The following CCDC149 variants were observed in gnomAD, a reference collection of about 807,000 sequenced individuals.
CCDC149 encodes coiled-coil domain-containing protein 149.
Under a neutral mutation model 59.9 loss-of-function variants are expected in CCDC149, and 45 were observed. The observed-to-expected ratio is 0.75, with a 90% CI of 0.59 to 0.96. The LOEUF (loss-of-function observed/expected upper bound fraction) is 0.96, where lower values mean the gene tolerates loss of function less well. CCDC149 is among the 40% of genes least tolerant of loss of function. The pLI is 0.00. For missense variants in CCDC149, 584 were observed against 664.7 expected, an observed-to-expected ratio of 0.88 and a Z score of 1.33; for synonymous variants, 245 against 260.6, an observed-to-expected ratio of 0.94 and a Z score of 0.58.
rs1334183629 is a variant in CCDC149, at chr4:24,925,509, T to C, written c.-64-30391A>G. On this transcript the variant is annotated intron_variant, in intron 1 of 12. Transcript: ENST00000389609. Reference sequence around the variant, plus strand: ...TAAAAAAACTTTGCGGTGTTTTGTTTCGTTTTATTTTGTTTTACTTTGTAT... The same window carrying C: ...TAAAAAAACTTTGCGGTGTTTTGTTCCGTTTTATTTTGTTTTACTTTGTAT... 5.9e-5 allele frequency among the ~76,000 whole-genome samples: 9 copies of C among 152,242 alleles called. 1 individual carries two copies. The highest frequency in any genetic ancestry group is 5.9e-4 in the Admixed American group (9 of 15,288).
At chr4:24,961,675 T>A (rs1024734624) in intron 1 of CCDC149, among the ~76,000 whole-genome samples, 1 of 152,208 alleles carries the variant, frequency 6.6e-6, no homozygotes, top group Non-Finnish European at 1.5e-5. Context: ...AACTATCTGA[T>A]CTTTGACAAA....
At chr4:24,826,229 G>T (rs1251399112) in intron 9 of CCDC149, among the ~76,000 whole-genome samples, 1 of 152,126 alleles carries the variant, frequency 6.6e-6, no homozygotes, top group Non-Finnish European at 1.5e-5. Flanking sequence ...CAAAGTGCTA[G>T]GATTACAGGT....
chr4:24,936,489 T>C (rs544521413), intron 1 of CCDC149, among the ~76,000 whole-genome samples: 10 of 152,336 alleles, frequency 6.6e-5, no homozygotes, highest in Non-Finnish European at 1.0e-4. Flanking sequence ...TGCATGTATA[T>C]ATAGTATCAT....
At chr4:24,952,594 TCAAA>T (rs1560267697) in intron 1 of CCDC149, among the ~76,000 whole-genome samples, 1 of 18,076 alleles carries the variant, frequency 5.5e-5, no homozygotes, top group African/African-American at 1.8e-4. Flanking sequence ...AAACTCCATC[TCAAA>T]AAAAAAAAAA....
At chr4:24,916,215 C>T (rs921618204), upstream of CCDC149, among the ~76,000 whole-genome samples, 4 of 152,120 alleles carry the variant, frequency 2.6e-5, no homozygotes, top group African/African-American at 7.2e-5. Flanking sequence ...TTCATAGCCC[C>T]GGGACCAGTT....
At chr4:24,891,749 A>G (rs1047928939) in intron 1 of CCDC149, among the ~76,000 whole-genome samples, 5 of 152,228 alleles carry the variant, frequency 3.3e-5, no homozygotes, top group African/African-American at 4.8e-5. Context: ...CTGTAATCCC[A>G]GCACTTTAGG....
At chr4:24,933,160 A>G (rs1722643458) in intron 1 of CCDC149, among the ~76,000 whole-genome samples, 1 of 152,170 alleles carries the variant, frequency 6.6e-6, no homozygotes, top group Non-Finnish European at 1.5e-5. Context: ...ATAAGGAACT[A>G]TCAGCCCCTG....
At chr4:24,882,031 T>A (rs1322241844) in intron 1 of CCDC149, among the ~76,000 whole-genome samples, 7 of 152,150 alleles carry the variant, frequency 4.6e-5, no homozygotes, top group Admixed American at 4.6e-4. Context: ...GGTTACCACA[T>A]CTAGTTGGTA....
chr4:24,910,966 C>T (rs1038204146), intron 1 of CCDC149, among the ~76,000 whole-genome samples: 24 of 152,152 alleles, frequency 1.6e-4, no homozygotes, highest in African/African-American at 4.8e-4. Flanking sequence ...TTTTCACCTC[C>T]CCCATGGCCC....
chr4:24,963,548 C>G (rs776523948), intron 1 of CCDC149, among the ~76,000 whole-genome samples: 152 of 152,188 alleles, frequency 1.0e-3, no homozygotes, highest in Non-Finnish European at 1.8e-3. Flanking sequence ...TACTTCCTCT[C>G]TCCCCTGGAG....
At chr4:24,856,256 G>A (rs1412650803) in intron 3 of CCDC149, among the ~76,000 whole-genome samples, 1 of 152,136 alleles carries the variant, frequency 6.6e-6, no homozygotes, top group Non-Finnish European at 1.5e-5. Flanking sequence ...TGGGCACCTG[G>A]CATCTGCCTG....
chr4:24,862,064 C>T (rs1490564134), intron 3 of CCDC149, among the ~76,000 whole-genome samples: 1 of 152,152 alleles, frequency 6.6e-6, no homozygotes, highest in Non-Finnish European at 1.5e-5. Flanking sequence ...ACAGTCGGCA[C>T]CAAGATGAAT....
intron 9 of CCDC149, 82 bp from the exon 10 acceptor site, chr4:24,822,655 T>C (rs962867813): frequency 2.1e-5 from 19 of 921,808 alleles, no homozygotes; most frequent in Non-Finnish European, 3.1e-5. Flanking sequence ...GGTGCCCTAG[T>C]AGAAAAGTGT....
At chr4:24,905,168 G>C (rs1157015130) in intron 1 of CCDC149, among the ~76,000 whole-genome samples, 2 of 151,694 alleles carry the variant, frequency 1.3e-5, no homozygotes, top group Admixed American at 1.3e-4. Flanking sequence ...CAAAGTGCTG[G>C]GATTACAGGA....
chr4:24,902,596 C>T (rs1280646078), intron 1 of CCDC149, among the ~76,000 whole-genome samples: 1 of 152,194 alleles, frequency 6.6e-6, no homozygotes, highest in East Asian at 1.9e-4. Context: ...AGGGAAGGGG[C>T]TCAGTTAAAG....
At chr4:24,929,880 C>T (rs1165748901) in intron 1 of CCDC149, among the ~76,000 whole-genome samples, 1 of 152,170 alleles carries the variant, frequency 6.6e-6, no homozygotes, top group Non-Finnish European at 1.5e-5. Context: ...CTCTCTGACT[C>T]TCTGCCTCTC....
At chr4:24,855,774 C>T (rs1458436965) in intron 3 of CCDC149, among the ~76,000 whole-genome samples, 1 of 152,036 alleles carries the variant, frequency 6.6e-6, no homozygotes, top group Non-Finnish European at 1.5e-5. Context: ...TCTCCTAAGA[C>T]AAAAATTTAG....
intron 4 of CCDC149, among the ~76,000 whole-genome samples, chr4:24,848,896 A>C (rs1717484871): frequency 6.6e-6 from 1 of 152,170 alleles, no homozygotes; most frequent in Admixed American, 6.5e-5. Context: ...CGTAGGTAGA[A>C]GACATGAAGA....
At chr4:24,894,577 C>T (rs1560242202) in intron 1 of CCDC149, among the ~76,000 whole-genome samples, 1 of 152,158 alleles carries the variant, frequency 6.6e-6, no homozygotes, top group East Asian at 1.9e-4. Context: ...TCTCTAAACC[C>T]AGGTGCTTAA....
Sources: allele counts gnomAD v4.1 joint callset (sites outside exome capture counted in the v4.1 genomes callset), GRCh38; gene constraint gnomAD v4.1.1; transcripts MANE v1.5; gene names NCBI Gene and HGNC (gene_info 2026-07-23, HGNC 2026-07-21).